Variants in TBCA observed in about 807,000 individuals in gnomAD.
TBCA encodes tubulin-specific chaperone A.
TBCA carries 6 observed loss-of-function variants against 15.8 expected under a neutral mutation model. The observed-to-expected ratio is 0.38, with a 90% confidence interval of 0.21 to 0.75. TBCA has a LOEUF of 0.75. Ranked by LOEUF, TBCA falls within the 30% of genes least tolerant of loss-of-function variation. TBCA has a pLI of 0.46. For synonymous variants in TBCA, 32 were observed against 42.3 expected, an observed-to-expected ratio of 0.76 and a Z score of 0.94; for missense variants, 90 against 131.2, an observed-to-expected ratio of 0.69 and a Z score of 1.53.
intron 1 of TBCA, among the ~76,000 whole-genome samples, chr5:77,739,314 AG>A (rs1475629545): frequency 6.6e-6 from 1 of 152,006 alleles, no homozygotes; most frequent in Admixed American, 6.6e-5. Context: ...TACAAAAATT[AG>A]CCGGGTGTGG....
intron 1 of TBCA, among the ~76,000 whole-genome samples, chr5:77,739,245 G>A (rs1746978175): frequency 6.6e-6 from 1 of 152,080 alleles, no homozygotes; most frequent in South Asian, 2.1e-4. Flanking sequence ...CGGATCACCT[G>A]AGGTCAGGAG....
chr5:77,695,916 G>T (rs1243567065), intron 2 of TBCA, among the ~76,000 whole-genome samples: 1 of 152,076 alleles, frequency 6.6e-6, no homozygotes, highest in African/African-American at 2.4e-5. Context: ...GTACTTATTT[G>T]GTAAAATGGA....
chr5:77,727,869 TA>T (rs2112464000), intron 1 of TBCA, among the ~76,000 whole-genome samples: 1 of 152,248 alleles, frequency 6.6e-6, no homozygotes, highest in African/African-American at 2.4e-5. Flanking sequence ...TTTAAAAACC[TA>T]AGTAGAAAAG....
At chr5:77,734,562 A>G (rs1190801301) in intron 1 of TBCA, among the ~76,000 whole-genome samples, 16 of 152,236 alleles carry the variant, frequency 1.1e-4, no homozygotes, top group Admixed American at 3.3e-4. Context: ...AAACGGCTAC[A>G]GTCTCATGAT....
In TBCA at chr5:77,724,675, C is replaced by G. The variant is rs114867033; in HGVS notation, c.54-16328G>C. On this transcript the variant is annotated intron_variant, in intron 1 of 3. Coordinates refer to ENST00000380377, the MANE Select transcript of TBCA (RefSeq NM_004607.3). The stretch of plus-strand genomic sequence containing the variant: ...CCCTTACCACATGAAATGGCAAAAG[C>G]TACTAGAAGTTTATTATAGTATATT... Among the ~76,000 whole-genome samples, 565 of 152,190 alleles carry G rather than the reference C, an allele frequency of 3.7e-3. 3 individuals carry two copies. Among genetic ancestry groups the G allele is most frequent in the African/African-American group, 0.013 (540 of 41,534 alleles).
intron 1 of TBCA, among the ~76,000 whole-genome samples, chr5:77,751,319 G>A (rs929096799): frequency 4.0e-5 from 6 of 151,726 alleles, no homozygotes; most frequent in Admixed American, 1.3e-4. Flanking sequence ...CCACCACCAC[G>A]CCCAGCTAAT....
chr5:77,713,914 A>T (rs1048332985), intron 1 of TBCA, among the ~76,000 whole-genome samples: 161 of 142,588 alleles, frequency 1.1e-3, no homozygotes, highest in African/African-American at 3.6e-3. Context: ...TTTTTTTTTT[A>T]AAAGAATAAA....
intron 2 of TBCA, among the ~76,000 whole-genome samples, chr5:77,701,260 T>C (rs965445587): frequency 5.9e-5 from 9 of 151,798 alleles, no homozygotes. Flanking sequence ...ACGATATGAA[T>C]AGACAATTCT....
At chr5:77,692,392 T>C (rs1745771702) in intron 3 of TBCA, 20 of 982,922 alleles carry the variant, frequency 2.0e-5, no homozygotes, top group Non-Finnish European at 2.3e-5. Flanking sequence ...AGGGCAGAGA[T>C]ATTGTTGAAT....
chr5:77,703,898 G>A (rs1746081507), intron 2 of TBCA, among the ~76,000 whole-genome samples: 1 of 151,622 alleles, frequency 6.6e-6, no homozygotes, highest in African/African-American at 2.4e-5. Context: ...GATTATAGGG[G>A]CGGTTTCCTA....
At chr5:77,712,462 G>A (rs1436881373) in intron 1 of TBCA, among the ~76,000 whole-genome samples, 1 of 151,930 alleles carries the variant, frequency 6.6e-6, no homozygotes, top group South Asian at 2.1e-4. Context: ...GGCTCCTCTC[G>A]TTTGCAGGAA....
At chr5:77,720,102 A>G (rs1369021467) in intron 1 of TBCA, among the ~76,000 whole-genome samples, 2 of 152,106 alleles carry the variant, frequency 1.3e-5, no homozygotes, top group African/African-American at 4.8e-5. Flanking sequence ...TGAGATCATC[A>G]TCATCTCTCT....
chr5:77,774,547 G>C (rs1747978576), intron 1 of TBCA, among the ~76,000 whole-genome samples: 1 of 152,062 alleles, frequency 6.6e-6, no homozygotes, highest in African/African-American at 2.4e-5. Context: ...CTCTTTCAAC[G>C]AACTGCCAAT....
At chr5:77,743,487 G>C (rs1412211682) in intron 1 of TBCA, among the ~76,000 whole-genome samples, 1 of 152,190 alleles carries the variant, frequency 6.6e-6, no homozygotes, top group Non-Finnish European at 1.5e-5. Flanking sequence ...ATACGAGTGG[G>C]GAAAGGTTAG....
At chr5:77,703,981 T>TTC (rs374191302) in intron 2 of TBCA, among the ~76,000 whole-genome samples, 3 of 151,834 alleles carry the variant, frequency 2.0e-5, no homozygotes, top group Non-Finnish European at 4.4e-5. Context: ...CTTGTTCTCC[T>TTC]TCTCTCTCTC....
intron 1 of TBCA, among the ~76,000 whole-genome samples, chr5:77,751,916 T>C (rs1397533471): frequency 6.6e-6 from 1 of 152,124 alleles, no homozygotes; most frequent in East Asian, 1.9e-4. Context: ...CTTCTTGCGC[T>C]CAGTCAGTTC....
intron 1 of TBCA, among the ~76,000 whole-genome samples, chr5:77,747,984 C>G (rs987667896): frequency 2.5e-4 from 38 of 152,298 alleles, no homozygotes; most frequent in African/African-American, 8.2e-4. Flanking sequence ...ATGATCTTCT[C>G]AGAAACTAAA....
At chr5:77,772,006 A>G (rs1389411228) in intron 1 of TBCA, among the ~76,000 whole-genome samples, 1 of 152,156 alleles carries the variant, frequency 6.6e-6, no homozygotes, top group Non-Finnish European at 1.5e-5. Flanking sequence ...GGCTATGGAA[A>G]ATGAACGTCT....
intron 1 of TBCA, among the ~76,000 whole-genome samples, chr5:77,757,638 G>A (rs563485291): frequency 6.6e-5 from 10 of 152,338 alleles, no homozygotes; most frequent in African/African-American, 2.4e-4. Flanking sequence ...GCCCAAGCTG[G>A]TACCAAGCAC....
Sources: gnomAD v4.1 joint callset for allele counts (sites outside exome capture counted in the v4.1 genomes callset) on GRCh38, gnomAD v4.1.1 for gene constraint, MANE v1.5 for transcripts, NCBI Gene and HGNC (gene_info 2026-07-23, HGNC 2026-07-21) for gene names.